RBX1: variants seen among roughly 807,000 people sequenced by gnomAD.
RBX1 encodes the protein E3 ubiquitin-protein ligase RBX1.
For missense variants in RBX1, 46 were observed against 141.4 expected (o/e 0.33, Z 3.42); for synonymous variants, 48 against 47.9 (o/e 1.00, Z -0.01).
chr22:40,969,517 AG>A (rs1324529940), intron 4 of RBX1, among the ~76,000 whole-genome samples: 1 of 152,194 alleles, frequency 6.6e-6, no homozygotes, highest in Non-Finnish European at 1.5e-5. Context: ...TAGGAGGCCA[AG>A]GTGGGCAGAT....
At chr22:40,967,994 G>C in intron 4 of RBX1, 110 bp downstream of exon 4, 1 of 545,562 alleles carries the variant, frequency 1.8e-6, no homozygotes, top group South Asian at 1.8e-5. Context: ...TTTAAAACTA[G>C]TTTTTGGTTA....
intron 2 of RBX1, among the ~76,000 whole-genome samples, chr22:40,958,051 C>T (rs985136884): frequency 3.3e-5 from 5 of 152,178 alleles, no homozygotes; most frequent in Admixed American, 2.6e-4. Flanking sequence ...GTCTCGAGCT[C>T]CTGACCTCAT....
chr22:40,958,788 G>C (rs978408341), intron 2 of RBX1, among the ~76,000 whole-genome samples: 3 of 148,298 alleles, frequency 2.0e-5, no homozygotes, highest in African/African-American at 7.4e-5. Flanking sequence ...GGTTTGGTTT[G>C]GTTTGGTTTG....
intron 4 of RBX1, among the ~76,000 whole-genome samples, chr22:40,968,636 T>C (rs1228517444): frequency 6.6e-6 from 1 of 152,186 alleles, no homozygotes; most frequent in Non-Finnish European, 1.5e-5. Flanking sequence ...CCTGGTAAAC[T>C]TTTAAAAATT....
chr22:40,967,587 A>G (rs566637986), intron 3 of RBX1: 7 of 471,968 alleles, frequency 1.5e-5, no homozygotes, highest in Admixed American at 3.4e-5. Context: ...GATTTCCTTT[A>G]GTAGTAATGA....
intron 2 of RBX1, among the ~76,000 whole-genome samples, chr22:40,954,490 A>G (rs997493646): frequency 4.6e-5 from 7 of 152,330 alleles, no homozygotes; most frequent in African/African-American, 1.7e-4. Flanking sequence ...ATCTGATTAT[A>G]GTCTTTGATG....
intron 4 of RBX1, among the ~76,000 whole-genome samples, chr22:40,969,328 G>A (rs1286433350): frequency 6.6e-6 from 1 of 152,218 alleles, no homozygotes; most frequent in Admixed American, 6.5e-5. Flanking sequence ...GTCCCTATTG[G>A]TGGACATTTG....
At chr22:40,956,904 G>A (rs774815661) in intron 2 of RBX1, among the ~76,000 whole-genome samples, 1 of 151,766 alleles carries the variant, frequency 6.6e-6, no homozygotes, top group African/African-American at 2.4e-5. Flanking sequence ...GTGCGATGGC[G>A]GGCGCCTGTA....
chr22:40,968,670 CAG>C (rs2058360445), intron 4 of RBX1, among the ~76,000 whole-genome samples: 1 of 152,148 alleles, frequency 6.6e-6, no homozygotes, highest in African/African-American at 2.4e-5. Flanking sequence ...GGGTATACCA[CAG>C]AATATGAATT....
chr22:40,970,093 C>T (rs1437986464), intron 4 of RBX1, among the ~76,000 whole-genome samples: 1 of 148,234 alleles, frequency 6.7e-6, no homozygotes, highest in Admixed American at 6.8e-5. Flanking sequence ...TAGTTGCTCA[C>T]ACCTGTCATC....
At chr22:40,971,578 CAG>C (rs1291499934) in intron 4 of RBX1, among the ~76,000 whole-genome samples, 1 of 152,008 alleles carries the variant, frequency 6.6e-6, no homozygotes, top group African/African-American at 2.4e-5. Flanking sequence ...TTTTTTGAGA[CAG>C]AGTCTCACTG....
At chr22:40,969,642 TGGCAGGTTGA>T (rs2058363283) in intron 4 of RBX1, among the ~76,000 whole-genome samples, 1 of 152,130 alleles carries the variant, frequency 6.6e-6, no homozygotes. Context: ...CCCAGCACTT[TGGCAGGTTGA>T]GGCAGGTGGA....
chr22:40,952,578 G>GT (rs1434997757), intron 1 of RBX1, among the ~76,000 whole-genome samples: 1 of 152,184 alleles, frequency 6.6e-6, no homozygotes, highest in Non-Finnish European at 1.5e-5. Flanking sequence ...AGCGAAGAAG[G>GT]TTTGGGAGTA....
At chr22:40,963,987 TA>T in intron 2 of RBX1, 59 bp from the exon 3 acceptor site, 3 of 1,284,776 alleles carry the variant, frequency 2.3e-6, no homozygotes, top group Non-Finnish European at 3.4e-6. Context: ...TTTTGGCTGC[TA>T]TAGATTGAAA....
chr22:40,968,806 A>C (rs994007783), intron 4 of RBX1, among the ~76,000 whole-genome samples: 5 of 146,608 alleles, frequency 3.4e-5, no homozygotes, highest in Admixed American at 1.4e-4. Context: ...GTATATATAT[A>C]TTTTTGTTAA....
chr22:40,969,277 A>G (rs956460906), intron 4 of RBX1, among the ~76,000 whole-genome samples: 6 of 152,038 alleles, frequency 3.9e-5, no homozygotes, highest in Non-Finnish European at 8.8e-5. Flanking sequence ...GCACCATCGC[A>G]CTCCAACAAG....
chr22:40,954,385 T>C (rs1483254976), intron 2 of RBX1, among the ~76,000 whole-genome samples: 2 of 151,972 alleles, frequency 1.3e-5, no homozygotes, highest in Non-Finnish European at 2.9e-5. Context: ...AAAAAGGAAA[T>C]CATTGCCAAC....
At chr22:40,953,073 C>G (rs1276744436) in intron 1 of RBX1, among the ~76,000 whole-genome samples, 1 of 149,364 alleles carries the variant, frequency 6.7e-6, no homozygotes, top group Non-Finnish European at 1.5e-5. Flanking sequence ...TCACTGCAAC[C>G]TCCGTCCCCC....
At chr22:40,956,907 C>T (rs962580506) in intron 2 of RBX1, among the ~76,000 whole-genome samples, 18 of 151,948 alleles carry the variant, frequency 1.2e-4, no homozygotes, top group South Asian at 8.3e-4. Context: ...CGATGGCGGG[C>T]GCCTGTAGTC....
Sources: gnomAD v4.1 joint callset for allele counts (sites outside exome capture counted in the v4.1 genomes callset) on GRCh38, gnomAD v4.1.1 for gene constraint, MANE v1.5 for transcripts, NCBI Gene and HGNC (gene_info 2026-07-23, HGNC 2026-07-21) for gene names.